The following ZSWIM6 variants were observed in gnomAD, a reference collection of about 807,000 sequenced individuals.
ZSWIM6 encodes the protein zinc finger SWIM-type containing 6.
ZSWIM6 carries 9 observed loss-of-function variants against 113.2 expected under a neutral mutation model. That is an observed-to-expected ratio of 0.08 (90% CI 0.05 to 0.14). The LOEUF (loss-of-function observed/expected upper bound fraction) is 0.14, where lower values mean the gene tolerates loss of function less well. ZSWIM6 is among the 10% of genes least tolerant of loss of function. The pLI is 1.00. For synonymous variants in ZSWIM6, 611 were observed against 606.5 expected, an observed-to-expected ratio of 1.01 and a Z score of -0.11; for missense variants, 1,162 against 1,552.2, an observed-to-expected ratio of 0.75 and a Z score of 4.22.
At chr5:61,351,106 TTATTA>T (rs1319212500) in intron 1 of ZSWIM6, among the ~76,000 whole-genome samples, 2 of 152,226 alleles carry the variant, frequency 1.3e-5, no homozygotes, top group Non-Finnish European at 2.9e-5. Flanking sequence ...TGTTAATAGT[TTATTA>T]TAATTGTTGC....
chr5:61,449,728 G>A (rs1001099754), intron 1 of ZSWIM6, among the ~76,000 whole-genome samples: 4 of 152,156 alleles, frequency 2.6e-5, no homozygotes, highest in African/African-American at 9.7e-5. Flanking sequence ...AAGACTGACT[G>A]TACAAAGCTT....
In ZSWIM6 at chr5:61,455,654, A is replaced by G. The variant is rs1221594958; in HGVS notation, c.677-17027A>G. 2.6e-5 allele frequency among the ~76,000 whole-genome samples: 4 copies of G among 152,334 alleles called. No homozygotes were observed. The East Asian group carries it at 7.7e-4, about 29-fold the overall frequency. On this transcript the variant is annotated intron_variant, in intron 1 of 13. Coordinates refer to ENST00000252744, the MANE Select transcript of ZSWIM6 (RefSeq NM_020928.2). ...GAGCACTTGGCTAGCGGGGCAGTGC[A>G]GATCTCTATAGCTAAAGGACTGGTA... is the stretch of plus-strand genomic sequence containing the variant.
chr5:61,364,091 T>G (rs2112057323), intron 1 of ZSWIM6, among the ~76,000 whole-genome samples: 1 of 151,258 alleles, frequency 6.6e-6, no homozygotes, highest in Non-Finnish European at 1.5e-5. Context: ...TTCACCCAGG[T>G]TGAAATGCAG....
At position 61,525,827 on chromosome 5, in the gene ZSWIM6, T is replaced by C; in HGVS notation, c.1541T>C (p.Val514Ala). 1 of 1,551,700 alleles carries C rather than the reference T, an allele frequency of 6.4e-7. No individual in the cohort carries two copies. The highest frequency in any genetic ancestry group is 8.7e-7 in the Non-Finnish European group (1 of 1,146,976). ...QDSSNRPHRT[V>A]FTRAIEACDL... is the part of the protein sequence containing the mutation. ...TCATCGAACAGGCCACATCGGACAG[T>C]GTTCACCCGAGCCATCGAGGCATGC... is the stretch of plus-strand genomic sequence containing the variant. Residue 514 changes from valine to alanine, a missense_variant, in exon 6 of 14, where the codon GTG (valine) becomes GCG (alanine). Physicochemically the swap from Val to Ala is moderately conservative, Grantham distance 64. Coordinates refer to ENST00000252744, the MANE Select transcript of ZSWIM6 (RefSeq NM_020928.2).
intron 4 of ZSWIM6, among the ~76,000 whole-genome samples, chr5:61,499,343 C>A (rs908982634): frequency 2.7e-5 from 4 of 150,880 alleles, no homozygotes; most frequent in African/African-American, 9.7e-5. Flanking sequence ...ACCTTCTTTC[C>A]AGAAGTCTTA....
intron 4 of ZSWIM6, among the ~76,000 whole-genome samples, chr5:61,511,665 T>C (rs932294274): frequency 1.3e-5 from 2 of 152,150 alleles, no homozygotes; most frequent in Non-Finnish European, 2.9e-5. Flanking sequence ...GGGCATGCCC[T>C]CACCAGATGC....
At chr5:61,370,713 A>C (rs1000318184) in intron 1 of ZSWIM6, among the ~76,000 whole-genome samples, 3 of 152,204 alleles carry the variant, frequency 2.0e-5, no homozygotes, top group African/African-American at 7.2e-5. Flanking sequence ...GCCAAAGGGC[A>C]TGTTGGATGT....
intron 1 of ZSWIM6, among the ~76,000 whole-genome samples, chr5:61,432,189 C>T (rs2112136496): frequency 6.6e-6 from 1 of 152,336 alleles, no homozygotes; most frequent in South Asian, 2.1e-4. Context: ...AATTTTGCTT[C>T]CCTCTTCTCT....
At chr5:61,534,356 A>G (rs1416514282) in intron 9 of ZSWIM6, among the ~76,000 whole-genome samples, 3 of 152,232 alleles carry the variant, frequency 2.0e-5, no homozygotes, top group Non-Finnish European at 4.4e-5. Context: ...ACTCAACTGA[A>G]TTAAAATAAC....
chr5:61,467,581 G>C (rs148599705), intron 1 of ZSWIM6, among the ~76,000 whole-genome samples: 2 of 152,114 alleles, frequency 1.3e-5, no homozygotes. Context: ...AAGAGACTTA[G>C]GGACCTCTTA....
chr5:61,453,390 T>TC (rs1747127092), intron 1 of ZSWIM6, among the ~76,000 whole-genome samples: 1 of 151,722 alleles, frequency 6.6e-6, no homozygotes, highest in African/African-American at 2.4e-5. Flanking sequence ...TTTTTTTTTT[T>TC]TTTGTGCCAG....
chr5:61,474,615 C>G (rs1747661034), intron 2 of ZSWIM6, among the ~76,000 whole-genome samples: 1 of 152,168 alleles, frequency 6.6e-6, no homozygotes, highest in Non-Finnish European at 1.5e-5. Context: ...CACAACATAG[C>G]TCAAAACACT....
At position 61,545,824 on chromosome 5, in the gene ZSWIM6, T is replaced by C. The variant is rs1749873612; in HGVS notation, c.*1507T>C. ...TGGTTACAGTATAGTGTCTTTACTT[T>C]AGCTGATGGTTCTGTAACCTTGTGC... On this transcript the variant is annotated 3_prime_UTR_variant, in exon 14 of 14. Transcript: ENST00000252744. 1 of 152,214 alleles carries C rather than the reference T, an allele frequency of 6.6e-6. No individual in the cohort carries two copies. The highest frequency in any genetic ancestry group is 1.5e-5 in the Non-Finnish European group (1 of 68,030). 9.4% of individuals were successfully genotyped at this position (152,214 alleles called of 1,614,324 possible).
At position 61,420,689 on chromosome 5, in the gene ZSWIM6, A is replaced by G. The variant is rs1746338225; in HGVS notation, c.677-51992A>G. Reference sequence around the variant, plus strand: ...TTTTTAATTTTTAATTTTTGTGGGTACATAGTGAGTATGTATATTTATGGA... The same window carrying G: ...TTTTTAATTTTTAATTTTTGTGGGTGCATAGTGAGTATGTATATTTATGGA... On this transcript the variant is annotated intron_variant, in intron 1 of 13. Transcript: ENST00000252744. 3.9e-5 allele frequency among the ~76,000 whole-genome samples: 6 copies of G among 152,274 alleles called. No homozygotes were observed. The South Asian group carries it at 1.2e-3, about 32-fold the overall frequency.
At chr5:61,394,235 T>C (rs1745792183) in intron 1 of ZSWIM6, among the ~76,000 whole-genome samples, 1 of 152,234 alleles carries the variant, frequency 6.6e-6, no homozygotes, top group Non-Finnish European at 1.5e-5. Context: ...GCTAGTGCAG[T>C]GTCTGCCTCC....
intron 1 of ZSWIM6, among the ~76,000 whole-genome samples, chr5:61,362,582 T>C (rs1373088428): frequency 1.3e-5 from 2 of 152,222 alleles, no homozygotes; most frequent in Non-Finnish European, 2.9e-5. Context: ...CCCACCTCTC[T>C]GGCCACTCCT....
At chr5:61,394,597 A>G (rs746011964) in intron 1 of ZSWIM6, among the ~76,000 whole-genome samples, 3 of 152,068 alleles carry the variant, frequency 2.0e-5, no homozygotes, top group African/African-American at 4.8e-5. Flanking sequence ...GGTGTATATG[A>G]TATATATGAG....
chr5:61,517,389 A>G (rs1748978485), intron 4 of ZSWIM6, among the ~76,000 whole-genome samples: 1 of 151,998 alleles, frequency 6.6e-6, no homozygotes, highest in Non-Finnish European at 1.5e-5. Context: ...TCCCTCTGTC[A>G]TCTCCGTTCT....
intron 1 of ZSWIM6, among the ~76,000 whole-genome samples, chr5:61,337,350 A>C (rs1209414856): frequency 3.3e-5 from 5 of 152,190 alleles, no homozygotes; most frequent in Non-Finnish European, 5.9e-5. Context: ...CTTCTACCAC[A>C]TTGGTGAAGA....
Sources: gnomAD v4.1 joint callset for allele counts (sites outside exome capture counted in the v4.1 genomes callset) on GRCh38, gnomAD v4.1.1 for gene constraint, MANE v1.5 for transcripts, NCBI Gene and HGNC (gene_info 2026-07-23, HGNC 2026-07-21) for gene names.